TBC1D10A: variants seen among roughly 807,000 people sequenced by gnomAD.
TBC1D10A encodes TBC1 domain family member 10A, also known as EBP50-PDX interactor of 64 kDa.
In TBC1D10A, 24 loss-of-function variants were observed where a neutral mutation model predicts 52.9. The ratio of observed to expected loss-of-function variants is 0.45; its 90% CI spans 0.33 to 0.64. The LOEUF (loss-of-function observed/expected upper bound fraction) is 0.64, where lower values mean the gene tolerates loss of function less well. Ranked by LOEUF, TBC1D10A falls within the 30% of genes least tolerant of loss-of-function variation. The pLI, the probability that TBC1D10A is intolerant of heterozygous loss-of-function variation, is 0.02. For synonymous variants in TBC1D10A, 278 were observed against 282.9 expected (o/e 0.98, Z 0.17); for missense variants, 602 against 687.9 (o/e 0.88, Z 1.40).
At chr22:30,306,858 A>G (rs377600296) in intron 1 of TBC1D10A, among the ~76,000 whole-genome samples, 12 of 152,226 alleles carry the variant, frequency 7.9e-5, no homozygotes, top group Admixed American at 6.5e-4. Context: ...CTCTAGGCAC[A>G]GGATATACTC....
chr22:30,324,524 G>T (rs1169439498), intron 1 of TBC1D10A, among the ~76,000 whole-genome samples: 1 of 152,098 alleles, frequency 6.6e-6, no homozygotes, highest in Admixed American at 6.6e-5. Flanking sequence ...GTGGTTGTGG[G>T]GTAAGAAAGA....
In TBC1D10A at chr22:30,292,487, T is replaced by G. The variant is rs1166633952; in HGVS notation, c.1415A>C (p.Lys472Thr). The G allele has an allele frequency of 6.2e-7, 1 of 1,607,742 alleles. No homozygotes were observed. Among genetic ancestry groups the G allele is most frequent in the Non-Finnish European group, 8.5e-7 (1 of 1,176,804 alleles). Reference sequence around the variant, plus strand: ...GGCTGAGTCCTTGGGGGCTGAGTCCTTCGGGGGCACATGCTGTGGGGGACA... The same window carrying G: ...GGCTGAGTCCTTGGGGGCTGAGTCCGTCGGGGGCACATGCTGTGGGGGACA... ...DACPPQHVPP[K>T]DSAPKDSAPQ... The change falls in exon 9 of 9, where the codon AAG becomes ACG. Residue 472 changes from lysine to threonine, a missense_variant. Coordinates refer to ENST00000215790, the MANE Select transcript of TBC1D10A (RefSeq NM_031937.3).
intron 1 of TBC1D10A, among the ~76,000 whole-genome samples, chr22:30,320,291 T>C (rs1188504202): frequency 6.6e-6 from 1 of 152,046 alleles, no homozygotes; most frequent in Non-Finnish European, 1.5e-5. Flanking sequence ...CCCTGTGCCT[T>C]TCTCCTGCTT....
rs527900671 is a variant in TBC1D10A at position 30,309,345 on chromosome 22, T to A, written c.210-4715A>T. On this transcript the variant is annotated intron_variant, in intron 1 of 8. Transcript: ENST00000215790. ...TCCACCTCCCGGGTTTAAGTGATTCTCTTGCTTCAGCATCCCAAGTAGCTG... is the reference window on the plus strand; with the variant it reads ...TCCACCTCCCGGGTTTAAGTGATTCACTTGCTTCAGCATCCCAAGTAGCTG... Among the ~76,000 whole-genome samples the A allele has an allele frequency of 3.4e-3, 517 of 152,176 alleles. 1 individual carries two copies. The highest frequency in any genetic ancestry group is 0.012 in the African/African-American group (494 of 41,522).
rs2064794874 is a variant in TBC1D10A at position 30,304,511 on chromosome 22, C to T, written c.309+20G>A. The stretch of plus-strand genomic sequence containing the variant: ...CAAGCTGCCAACTCCCAGCCCAATA[C>T]CTGAGGCCAGGCCCCTCACCTTTTT... On this transcript the variant is annotated intron_variant, in intron 2 of 8. Transcript: ENST00000215790. The T allele has an allele frequency of 6.2e-7, 1 of 1,614,066 alleles. No homozygotes were observed. The highest frequency in any genetic ancestry group is 8.5e-7 in the Non-Finnish European group (1 of 1,179,946).
intron 1 of TBC1D10A, among the ~76,000 whole-genome samples, chr22:30,323,210 C>T (rs1190926955): frequency 6.6e-6 from 1 of 152,204 alleles, no homozygotes; most frequent in African/African-American, 2.4e-5. Flanking sequence ...CTGCCACTTT[C>T]AGCTTCCTGA....
intron 2 of TBC1D10A, among the ~76,000 whole-genome samples, chr22:30,303,010 G>C (rs776253591): frequency 1.8e-4 from 28 of 152,260 alleles, no homozygotes; most frequent in Admixed American, 2.6e-4. Context: ...GCTGGGTGCA[G>C]TGGCTCATGC....
intron 1 of TBC1D10A, among the ~76,000 whole-genome samples, chr22:30,306,840 G>A (rs1177748436): frequency 2.0e-5 from 3 of 152,200 alleles, no homozygotes; most frequent in Non-Finnish European, 4.4e-5. Flanking sequence ...CTAACTGCAG[G>A]TAGATGTCTC....
chr22:30,295,882 G>C (rs1336275415), intron 3 of TBC1D10A, 39 bp from the exon 4 acceptor site: 4 of 1,577,958 alleles, frequency 2.5e-6, no homozygotes, highest in Admixed American at 3.4e-5. Context: ...GGGGAGGATG[G>C]AGGTGGGCTT....
chr22:30,304,010 G>A (rs1930260159), intron 2 of TBC1D10A, among the ~76,000 whole-genome samples: 1 of 152,196 alleles, frequency 6.6e-6, no homozygotes, highest in African/African-American at 2.4e-5. Context: ...GGGTAAAGAA[G>A]GCCTCGTACT....
chr22:30,317,788 G>A (rs990947317), intron 1 of TBC1D10A, among the ~76,000 whole-genome samples: 1 of 152,070 alleles, frequency 6.6e-6, no homozygotes, highest in Non-Finnish European at 1.5e-5. Context: ...TTAGAGACAG[G>A]GTCTCACTAT....
At chr22:30,294,545 C>T (rs191139666) in intron 6 of TBC1D10A, among the ~76,000 whole-genome samples, 4 of 152,346 alleles carry the variant, frequency 2.6e-5, no homozygotes, top group Non-Finnish European at 4.4e-5. Context: ...GAGGGAAGAA[C>T]TTGGTGCCCT....
intron 1 of TBC1D10A, among the ~76,000 whole-genome samples, chr22:30,309,857 A>G (rs758962413): frequency 6.6e-6 from 1 of 152,198 alleles, no homozygotes; most frequent in Non-Finnish European, 1.5e-5. Context: ...AGCACATCTC[A>G]GCACCTCTGG....
At chr22:30,308,566 C>T (rs1179335636) in intron 1 of TBC1D10A, among the ~76,000 whole-genome samples, 2 of 152,178 alleles carry the variant, frequency 1.3e-5, no homozygotes, top group African/African-American at 4.8e-5. Flanking sequence ...GTTTTAAATG[C>T]TGGTCACAAG....
intron 1 of TBC1D10A, chr22:30,318,644 C>T (rs1930586741): frequency 4.2e-6 from 2 of 471,048 alleles, no homozygotes; most frequent in South Asian, 3.1e-5. Context: ...TTCAGCTAGT[C>T]CAGAGCCTTC....
At chr22:30,319,221 G>A (rs1930602462) in intron 1 of TBC1D10A, among the ~76,000 whole-genome samples, 1 of 152,146 alleles carries the variant, frequency 6.6e-6, no homozygotes, top group Non-Finnish European at 1.5e-5. Context: ...TGCAGGTGGG[G>A]CTGGCTGCTT....
At chr22:30,315,662 T>C (rs1347702439) in intron 1 of TBC1D10A, among the ~76,000 whole-genome samples, 1 of 152,182 alleles carries the variant, frequency 6.6e-6, no homozygotes, top group Non-Finnish European at 1.5e-5. Context: ...GGACTCACAG[T>C]GTCCAAGGCC....
chr22:30,311,734 G>A (rs1930430353), intron 1 of TBC1D10A, among the ~76,000 whole-genome samples: 1 of 152,114 alleles, frequency 6.6e-6, no homozygotes, highest in Non-Finnish European at 1.5e-5. Context: ...ACCTTCCTCT[G>A]ATGCACTCAT....
rs941124607 is a variant in TBC1D10A at position 30,297,284 on chromosome 22, T to C, written c.418-1441A>G. The C allele has an allele frequency of 1.4e-4, 22 of 152,244 alleles. No individual in the cohort carries two copies. Among genetic ancestry groups the C allele is most frequent in the African/African-American group, 4.8e-4 (20 of 41,438 alleles). 9.4% of individuals were successfully genotyped at this position (152,244 alleles called of 1,614,324 possible). ...CGTGCCTCTGGGGCCCCACACACCCTTGTGATGGGGGTCTGTGTACTGTGC... is the reference window on the plus strand; with the variant it reads ...CGTGCCTCTGGGGCCCCACACACCCCTGTGATGGGGGTCTGTGTACTGTGC... On this transcript the variant is annotated intron_variant, in intron 3 of 8. Coordinates refer to ENST00000215790, the MANE Select transcript of TBC1D10A (RefSeq NM_031937.3). This position sits in a 1 kb window ranked among gnomAD's most constrained non-coding sequence, Gnocchi z 4.3.
Sources: gnomAD v4.1 joint callset for allele counts (sites outside exome capture counted in the v4.1 genomes callset) on GRCh38, gnomAD v4.1.1 for gene constraint, Gnocchi (gnomAD v3.1) non-coding constraint, MANE v1.5 for transcripts, NCBI Gene and HGNC (gene_info 2026-07-23, HGNC 2026-07-21) for gene names.